ARHGEF40: variants seen among roughly 807,000 people sequenced by gnomAD.
The protein encoded by ARHGEF40 is Rho guanine nucleotide exchange factor 40.
ARHGEF40 carries 98 observed loss-of-function variants against 165.9 expected under a neutral mutation model. The ratio of observed to expected loss-of-function variants is 0.59; its 90% CI spans 0.50 to 0.70. ARHGEF40 has a LOEUF of 0.70. Ranked by LOEUF, ARHGEF40 falls within the 30% of genes least tolerant of loss-of-function variation. ARHGEF40 has a pLI of 0.00. For synonymous variants in ARHGEF40, 792 were observed against 814.3 expected (o/e 0.97, Z 0.47); for missense variants, 1,815 against 1,968.0 (o/e 0.92, Z 1.47).
chr14:21,088,199 G>A, intron 22 of ARHGEF40, 101 bp downstream of exon 22: 2 of 1,389,700 alleles, frequency 1.4e-6, no homozygotes, highest in East Asian at 2.5e-5. Context: ...GGGGAAAACT[G>A]TGAACTTGTG....
chr14:21,079,968 C>T (rs1347570038), intron 11 of ARHGEF40, among the ~76,000 whole-genome samples: 1 of 152,090 alleles, frequency 6.6e-6, no homozygotes, highest in African/African-American at 2.4e-5. Flanking sequence ...CGGATGGTAA[C>T]AATTAACTCA....
At chr14:21,087,781 G>A in intron 21 of ARHGEF40, 187 bp from the exon 22 acceptor site, 1 of 798,984 alleles carries the variant, frequency 1.3e-6, no homozygotes, top group Non-Finnish European at 2.0e-6. Flanking sequence ...TTCTTCCCTG[G>A]TTGCTCTAAT....
chr14:21,078,840 G>A (rs776415537), intron 10 of ARHGEF40, 44 bp from the exon 11 acceptor site: 8 of 1,595,134 alleles, frequency 5.0e-6, no homozygotes, highest in Non-Finnish European at 6.9e-6. Context: ...GAATTGAGGG[G>A]CTCAACAAGG....
rs561059189 is a variant in ARHGEF40, at chr14:21,070,854, C to T, written c.3+455C>T. ...TGCATGGAACCACCATTTTCCATCC[C>T]TGTCCCCAACCCGGTGAGGCAGGCC... On this transcript the variant is annotated intron_variant, in intron 1 of 23. Transcript: ENST00000298694. The surrounding 1 kb of genome is among the most constrained non-coding windows in gnomAD (Gnocchi z 4.7). 1.3e-6 allele frequency: 2 copies of T among 1,535,694 alleles called. No homozygotes were observed. Among genetic ancestry groups the T allele is most frequent in the Non-Finnish European group, 1.7e-6 (2 of 1,146,880 alleles).
At chr14:21,067,802 G>A (rs1419036569), upstream of ARHGEF40, among the ~76,000 whole-genome samples, 1 of 151,858 alleles carries the variant, frequency 6.6e-6, no homozygotes, top group Non-Finnish European at 1.5e-5. Context: ...GTAAGAGCCT[G>A]CATTCTTTGG....
rs770781096 is a variant in ARHGEF40 at position 21,088,836 on chromosome 14, G to GCTC, written c.4526_4528dup (p.Ala1509_Arg1510insPro). On this transcript the variant is annotated inframe_insertion, in exon 23 of 24. Coordinates refer to ENST00000298694, the MANE Select transcript of ARHGEF40 (RefSeq NM_018071.5). ...GTAGCTTCTCTCCCCCCAGAGTCAT[G>GCTC]CTCGAGCCCTGAGTGACCCCACCAC... 6.2e-7 allele frequency: 1 copy of GCTC among 1,612,900 alleles called. No homozygotes were observed. The highest frequency in any genetic ancestry group is 8.5e-7 in the Non-Finnish European group (1 of 1,179,220).
intron 7 of ARHGEF40, 30 bp downstream of exon 7, chr14:21,076,673 C>T: frequency 1.3e-6 from 2 of 1,580,184 alleles, no homozygotes; most frequent in Non-Finnish European, 8.6e-7. Flanking sequence ...ATCTAGTTTC[C>T]CATCAGTAGT....
At chr14:21,066,325 GT>G (rs71416998), upstream of ARHGEF40, among the ~76,000 whole-genome samples, 30,033 of 142,144 alleles carry the variant, frequency 0.21, 2,989 homozygotes, top group South Asian at 0.31. Context: ...TGTTTTTTTT[GT>G]TTTTTTTTTT....
Position 21,084,884 on chromosome 14 carries a change from A to AG in ARHGEF40, c.3927dup (p.Ser1310ValfsTer11), listed in dbSNP as rs1888218027. ...TGTTCAGCAAGCTCAAGGGCCCTGAAGGGGGGTCAGAGATGTTTGTTTACA... is the reference window on the plus strand; with the variant it reads ...TGTTCAGCAAGCTCAAGGGCCCTGAAGGGGGGGTCAGAGATGTTTGTTTACA... On this transcript the variant is annotated frameshift_variant, in exon 18 of 24. Coordinates refer to ENST00000298694, the MANE Select transcript of ARHGEF40 (RefSeq NM_018071.5). LOFTEE classifies it high-confidence loss of function. 2 of 1,614,108 alleles carry AG rather than the reference A, an allele frequency of 1.2e-6. No homozygotes were observed. The highest frequency in any genetic ancestry group is 8.5e-7 in the Non-Finnish European group (1 of 1,180,006).
rs59831663 is a variant in ARHGEF40, at chr14:21,083,384, C to CA, written c.3574-435dup. On this transcript the variant is annotated intron_variant, in intron 16 of 23. Coordinates refer to ENST00000298694, the MANE Select transcript of ARHGEF40 (RefSeq NM_018071.5). ...TGAAACCCCATCTCTACTAGAAATA[C>CA]AAAAAAAAAAAAAAAATTAGCCAGG... Among the ~76,000 whole-genome samples the CA allele has an allele frequency of 5.5e-3, 702 of 128,010 alleles. 2 individuals are homozygous for CA. Among genetic ancestry groups the CA allele is most frequent in the Middle Eastern group, 8.6e-3 (2 of 232 alleles). 84.0% of individuals were successfully genotyped at this position (128,010 alleles called of 152,430 possible).
rs763814271 is a variant in ARHGEF40 at position 21,078,429 on chromosome 14, G to A, written c.2187G>A (p.Thr729=). ...AGGTGCTGGCAGATCCCCGGCTGAC[G>A]GCACTGCAGAGGGATGGGGGGGCCA... ...LQKVLADPRL[T]ALQRDGGAIL... is the part of the protein sequence containing the mutation. Residue 729 remains threonine, a synonymous_variant, in exon 10 of 24, where the codon ACG becomes ACA. Coordinates refer to ENST00000298694, the MANE Select transcript of ARHGEF40 (RefSeq NM_018071.5). The A allele has an allele frequency of 2.4e-5, 39 of 1,611,240 alleles. No individual in the cohort carries two copies. The highest frequency in any genetic ancestry group is 1.6e-4 in the Middle Eastern group (1 of 6,072).
intron 19 of ARHGEF40, chr14:21,086,222 T>C (rs1888321366): frequency 3.9e-6 from 1 of 259,080 alleles, no homozygotes; most frequent in African/African-American, 2.2e-5. Context: ...ACAAAAAATT[T>C]TAAAATTAAC....
At chr14:21,079,460 G>C (rs943788478) in intron 11 of ARHGEF40, among the ~76,000 whole-genome samples, 9 of 152,196 alleles carry the variant, frequency 5.9e-5, no homozygotes, top group Non-Finnish European at 1.3e-4. Flanking sequence ...TGGAAGGAGA[G>C]AGCATTGAAA....
rs1402489763 is a variant in ARHGEF40 at position 21,072,664 on chromosome 14, C to G, written c.4-381C>G. Among the ~76,000 whole-genome samples the G allele has an allele frequency of 1.3e-5, 2 of 152,170 alleles. No homozygotes were observed. Among genetic ancestry groups the G allele is most frequent in the Non-Finnish European group, 2.9e-5 (2 of 68,028 alleles). The stretch of plus-strand genomic sequence containing the variant: ...GCTGTGTGGAAATCTCCCTCATCCC[C>G]TCGAGTTCTCAGCCATAAGCTCAGT... On this transcript the variant is annotated intron_variant, in intron 1 of 23. Coordinates refer to ENST00000298694, the MANE Select transcript of ARHGEF40 (RefSeq NM_018071.5). The surrounding 1 kb of genome is among the most constrained non-coding windows in gnomAD (Gnocchi z 4.1).
the ARHGEF40 span, among the ~76,000 whole-genome samples, chr14:21,065,262 A>AC: frequency 1.3e-5 from 2 of 151,962 alleles, no homozygotes; most frequent in African/African-American, 2.4e-5. Flanking sequence ...AAACAAACAA[A>AC]AAAAACCTCA....
At chr14:21,084,181 G>C (rs182412594) in intron 17 of ARHGEF40, 131 bp downstream of exon 17, 370 of 943,854 alleles carry the variant, frequency 3.9e-4, no homozygotes, top group Middle Eastern at 1.7e-3. Context: ...CCAGCTGGGT[G>C]GCCTTGATTG....
At chr14:21,069,966 C>T (rs571345086), upstream of ARHGEF40, among the ~76,000 whole-genome samples, 25 of 152,338 alleles carry the variant, frequency 1.6e-4, no homozygotes, top group East Asian at 4.8e-3. Context: ...CGAGGCTAAA[C>T]TGATCCCGCG....
chr14:21,065,880 C>T, upstream of ARHGEF40, among the ~76,000 whole-genome samples: 1 of 152,182 alleles, frequency 6.6e-6, no homozygotes, highest in East Asian at 1.9e-4. Flanking sequence ...GGGCGGATCA[C>T]CTGAGGTCAG....
intron 8 of ARHGEF40, among the ~76,000 whole-genome samples, chr14:21,077,267 C>G (rs11156830): frequency 0.83 from 123,238 of 148,640 alleles, 51,490 homozygotes; most frequent in Admixed American, 0.89. Context: ...ACCACACCCA[C>G]CTAGTTTTTG....
Sources: allele counts gnomAD v4.1 joint callset (sites outside exome capture counted in the v4.1 genomes callset), GRCh38; gene constraint gnomAD v4.1.1; non-coding constraint Gnocchi (gnomAD v3.1); transcripts MANE v1.5; gene names NCBI Gene and HGNC (gene_info 2026-07-23, HGNC 2026-07-21).